The following NCKAP5 variants were observed in gnomAD, a reference collection of about 807,000 sequenced individuals.
The protein encoded by NCKAP5 is NCK associated protein 5.
NCKAP5 carries 92 observed loss-of-function variants against 167.0 expected under a neutral mutation model. The observed-to-expected ratio is 0.55, with a 90% CI of 0.47 to 0.66. The LOEUF (loss-of-function observed/expected upper bound fraction) is 0.66, where lower values mean the gene tolerates loss of function less well. NCKAP5 is among the 30% of genes least tolerant of loss of function. The probability of loss-of-function intolerance (pLI) is 0.00; values close to 1 mark genes in which losing one functional copy is unlikely to be tolerated. For synonymous variants in NCKAP5, 891 were observed against 877.4 expected (o/e 1.02, Z -0.27); for missense variants, 2,378 against 2,315.0 (o/e 1.03, Z -0.56).
At chr2:133,586,459 A>T in the NCKAP5 span, among the ~76,000 whole-genome samples, 4 of 152,244 alleles carry the variant, frequency 2.6e-5, no homozygotes, top group Middle Eastern at 3.4e-3. Flanking sequence ...TCTCTGAGCC[A>T]TCACTCTTAC....
intron 6 of NCKAP5, among the ~76,000 whole-genome samples, chr2:133,098,680 T>G (rs1402298341): frequency 6.6e-6 from 1 of 152,224 alleles, no homozygotes; most frequent in Non-Finnish European, 1.5e-5. Flanking sequence ...CTAGTTATAT[T>G]TAAATAATAC....
intron 3 of NCKAP5, among the ~76,000 whole-genome samples, chr2:133,362,519 G>C (rs993787421): frequency 1.3e-5 from 2 of 152,188 alleles, no homozygotes; most frequent in African/African-American, 2.4e-5. Flanking sequence ...GCTGCATTTA[G>C]AAGTTACAAG....
intron 5 of NCKAP5, among the ~76,000 whole-genome samples, chr2:133,187,192 G>A (rs2084984429): frequency 6.6e-6 from 1 of 151,840 alleles, no homozygotes; most frequent in South Asian, 2.1e-4. Flanking sequence ...TTTTGTTTCT[G>A]CTTTAACTTT....
intron 3 of NCKAP5, among the ~76,000 whole-genome samples, chr2:133,439,927 C>T (rs567523649): frequency 1.3e-5 from 2 of 152,332 alleles, no homozygotes; most frequent in African/African-American, 4.8e-5. Flanking sequence ...TCCAGGAGCA[C>T]AATGCCTACA....
intron 7 of NCKAP5, among the ~76,000 whole-genome samples, chr2:132,965,792 A>G (rs1448799674): frequency 6.6e-6 from 1 of 152,180 alleles, no homozygotes; most frequent in South Asian, 2.1e-4. Context: ...ACTGTAACAC[A>G]ATGGCAAGTA....
At chr2:133,445,394 T>C (rs1249721586) in intron 3 of NCKAP5, among the ~76,000 whole-genome samples, 1 of 152,222 alleles carries the variant, frequency 6.6e-6, no homozygotes, top group Non-Finnish European at 1.5e-5. Context: ...CCCATATATA[T>C]TTGACTTAAT....
intron 6 of NCKAP5, among the ~76,000 whole-genome samples, chr2:133,078,485 AT>A (rs2080688395): frequency 6.6e-6 from 1 of 152,020 alleles, no homozygotes. Flanking sequence ...GCATGGGGAG[AT>A]TCCCCCAGGA....
chr2:133,314,483 G>T (rs1310605691), intron 3 of NCKAP5, among the ~76,000 whole-genome samples: 2 of 152,116 alleles, frequency 1.3e-5, no homozygotes, highest in Non-Finnish European at 2.9e-5. Flanking sequence ...TTCTAATGCT[G>T]CTGGTCTGGG....
intron 11 of NCKAP5, among the ~76,000 whole-genome samples, chr2:132,835,477 A>T (rs1687823101): frequency 6.6e-6 from 1 of 151,558 alleles, no homozygotes; most frequent in African/African-American, 2.4e-5. Context: ...TAAGCATTCA[A>T]TTTCATTAGT....
chr2:132,779,571 A>G (rs1682842925), intron 15 of NCKAP5, among the ~76,000 whole-genome samples: 1 of 151,892 alleles, frequency 6.6e-6, no homozygotes, highest in Non-Finnish European at 1.5e-5. Flanking sequence ...ATACCATGGA[A>G]GCCAAGAGCA....
At chr2:132,928,515 G>A (rs192881410) in intron 8 of NCKAP5, among the ~76,000 whole-genome samples, 1 of 152,228 alleles carries the variant, frequency 6.6e-6, no homozygotes, top group South Asian at 2.1e-4. Flanking sequence ...TATCTTGTAA[G>A]TTGCTTTGTA....
intron 5 of NCKAP5, among the ~76,000 whole-genome samples, chr2:133,190,494 G>A (rs2085164708): frequency 6.6e-6 from 1 of 152,148 alleles, no homozygotes; most frequent in South Asian, 2.1e-4. Context: ...AAAGCTGGAG[G>A]CATCACTCTA....
chr2:133,355,432 A>G (rs982756022), intron 3 of NCKAP5, among the ~76,000 whole-genome samples: 2 of 152,220 alleles, frequency 1.3e-5, no homozygotes, highest in African/African-American at 4.8e-5. Context: ...ATAAGATGCT[A>G]ATATTACATA....
intron 3 of NCKAP5, among the ~76,000 whole-genome samples, chr2:133,365,374 C>T (rs1385841376): frequency 6.6e-6 from 1 of 152,136 alleles, no homozygotes; most frequent in Non-Finnish European, 1.5e-5. Context: ...CCCCATATGA[C>T]AAAGCCAGCT....
chr2:132,875,402 G>A (rs979856176), intron 9 of NCKAP5, among the ~76,000 whole-genome samples: 2 of 152,108 alleles, frequency 1.3e-5, no homozygotes, highest in African/African-American at 4.8e-5. Context: ...ACTGCATTCT[G>A]TGTTTCCAAA....
chr2:133,107,026 C>T lies in NCKAP5; in HGVS notation c.341+22952G>A, dbSNP rs575057510. 2.0e-5 allele frequency among the ~76,000 whole-genome samples: 3 copies of T among 152,278 alleles called. No homozygotes were observed. The South Asian group carries it at 6.2e-4, about 32-fold the overall frequency. On this transcript the variant is annotated intron_variant, in intron 6 of 19. Coordinates refer to ENST00000409261, the MANE Select transcript of NCKAP5 (RefSeq NM_207363.3). ...TGGGAGCAATTTTTAGCCTGCTCCACTGATGCCTGCCTCTAAAATAGTGTA... is the reference window on the plus strand; with the variant it reads ...TGGGAGCAATTTTTAGCCTGCTCCATTGATGCCTGCCTCTAAAATAGTGTA...
chr2:133,653,872 T>G, the NCKAP5 span, among the ~76,000 whole-genome samples: 1 of 152,152 alleles, frequency 6.6e-6, no homozygotes, highest in African/African-American at 2.4e-5. Context: ...TGACAGAAAA[T>G]TCAGAAGATC....
chr2:132,879,016 A>C, intron 8 of NCKAP5, 100 bp from the exon 9 acceptor site: 1 of 911,558 alleles, frequency 1.1e-6, no homozygotes, highest in Non-Finnish European at 1.8e-6. Flanking sequence ...CTCGTGATCC[A>C]AAACAATCTT....
chr2:133,110,887 T>C (rs1265193078), intron 6 of NCKAP5, among the ~76,000 whole-genome samples: 1 of 152,150 alleles, frequency 6.6e-6, no homozygotes. Context: ...GTTGCTGGGA[T>C]CTGGGGAAGC....
Sources: gnomAD v4.1 joint callset for allele counts (sites outside exome capture counted in the v4.1 genomes callset) on GRCh38, gnomAD v4.1.1 for gene constraint, MANE v1.5 for transcripts, NCBI Gene and HGNC (gene_info 2026-07-23, HGNC 2026-07-21) for gene names.